The following CBR4 variants were observed in gnomAD, a reference collection of about 807,000 sequenced individuals.
CBR4 encodes carbonyl reductase 4.
Under a neutral mutation model 21.0 loss-of-function variants are expected in CBR4, and 22 were observed. The observed-to-expected ratio is 1.05, with a 90% CI of 0.75 to 1.50. CBR4 has a LOEUF of 1.50. CBR4 is among the 40% of genes most tolerant of loss of function. The pLI is 0.00. For synonymous variants in CBR4, 100 were observed against 104.4 expected (o/e 0.96, Z 0.26); for missense variants, 302 against 286.3 (o/e 1.05, Z -0.40).
At chr4:168,939,070 C>A (rs1318357692) in intron 2 of CBR4, among the ~76,000 whole-genome samples, 2 of 152,194 alleles carry the variant, frequency 1.3e-5, no homozygotes, top group Admixed American at 6.5e-5. Flanking sequence ...CAGACAGAAT[C>A]CAGCAGCACA....
At chr4:168,944,185 C>G (rs1015427974) in intron 2 of CBR4, among the ~76,000 whole-genome samples, 1 of 152,008 alleles carries the variant, frequency 6.6e-6, no homozygotes, top group African/African-American at 2.4e-5. Context: ...TGGTTCACAC[C>G]TGTAATCCTA....
intron 2 of CBR4, among the ~76,000 whole-genome samples, chr4:168,940,992 C>A (rs936576663): frequency 6.6e-6 from 1 of 152,188 alleles, no homozygotes; most frequent in Non-Finnish European, 1.5e-5. Flanking sequence ...ATGTATACTG[C>A]AGCACTGTTC....
chr4:168,930,288 CAT>C (rs1462192625), intron 2 of CBR4, among the ~76,000 whole-genome samples: 3 of 152,044 alleles, frequency 2.0e-5, no homozygotes, highest in Non-Finnish European at 4.4e-5. Context: ...GTCAAAAAGG[CAT>C]ATGGCACCAA....
Position 168,935,136 on chromosome 4 carries a change from C to A in CBR4, n.170-40371G>T, listed in dbSNP as rs180898146. Among the ~76,000 whole-genome samples, 763 of 152,286 alleles carry A rather than the reference C, an allele frequency of 5.0e-3. 3 individuals carry two copies. The highest frequency in any genetic ancestry group is 8.0e-3 in the Non-Finnish European group (541 of 68,016). On this transcript the variant is annotated intron_variant and non_coding_transcript_variant, in intron 2 of 3. Transcript: ENST00000509108. ...GCAGCCCATGGAGGGCGAGCAGAAG[C>A]AGGGTGGGGTGTCACCTCACATGGG...
chr4:168,904,757 C>T (rs1328270254), intron 2 of CBR4, among the ~76,000 whole-genome samples: 1 of 152,070 alleles, frequency 6.6e-6, no homozygotes, highest in Non-Finnish European at 1.5e-5. Flanking sequence ...TATATCATTC[C>T]ATATTATTTC....
intron 2 of CBR4, among the ~76,000 whole-genome samples, chr4:168,946,920 G>A (rs759518794): frequency 1.3e-5 from 2 of 152,070 alleles, no homozygotes; most frequent in African/African-American, 2.4e-5. Flanking sequence ...TCCCAACTAC[G>A]CACATGGAGC....
intron 3 of CBR4, among the ~76,000 whole-genome samples, chr4:169,004,762 T>C (rs1730762208): frequency 6.6e-6 from 1 of 152,252 alleles, no homozygotes; most frequent in East Asian, 1.9e-4. Context: ...AAAGCTTCAA[T>C]TATACACTTT....
At chr4:168,919,522 TAAA>T (rs1209353195) in intron 2 of CBR4, among the ~76,000 whole-genome samples, 6 of 124,540 alleles carry the variant, frequency 4.8e-5, no homozygotes, top group African/African-American at 1.8e-4. Flanking sequence ...AAGACTGTCT[TAAA>T]AAAAAAAAAA....
At chr4:169,002,455 T>A (rs1172229966) in intron 3 of CBR4, among the ~76,000 whole-genome samples, 1 of 152,202 alleles carries the variant, frequency 6.6e-6, no homozygotes, top group Non-Finnish European at 1.5e-5. Flanking sequence ...TGCAGGTGCT[T>A]GCGAATTGAT....
chr4:168,987,716 T>C lies in CBR4; in HGVS notation c.*2434A>G, dbSNP rs2126797735. On this transcript the variant is annotated 3_prime_UTR_variant, in exon 5 of 5. Coordinates refer to ENST00000306193, the MANE Select transcript of CBR4 (RefSeq NM_032783.5). The stretch of plus-strand genomic sequence containing the variant: ...AAAAAATGTTTCACCAATGTTAAGG[T>C]ACAACTCTTGAATATGCAGCGTAGT... 7.1e-6 allele frequency: 7 copies of C among 984,600 alleles called. No individual in the cohort carries two copies. Among genetic ancestry groups the C allele is most frequent in the Non-Finnish European group, 8.4e-6 (7 of 829,176 alleles). 61.0% of individuals were successfully genotyped at this position (984,600 alleles called of 1,614,324 possible). A position where few individuals can be genotyped will look rare whatever the true frequency, so the allele number is the denominator to read the frequency against.
intron 2 of CBR4, chr4:168,903,732 C>G: frequency 6.3e-7 from 1 of 1,597,818 alleles, no homozygotes; most frequent in Non-Finnish European, 8.6e-7. Context: ...AACTCCTAAT[C>G]TTTAATCTTT....
intron 2 of CBR4, among the ~76,000 whole-genome samples, chr4:168,977,359 T>C (rs1764404180): frequency 6.6e-6 from 1 of 152,220 alleles, no homozygotes. Context: ...AGCTTTCTCC[T>C]GATTTTCTAC....
chr4:169,000,768 T>C (rs530018869), intron 4 of CBR4, among the ~76,000 whole-genome samples: 2 of 152,328 alleles, frequency 1.3e-5, no homozygotes, highest in South Asian at 4.1e-4. Flanking sequence ...TTAGTGATCA[T>C]ATATTTTTGA....
At chr4:168,935,672 A>G (rs1380982281) in intron 2 of CBR4, among the ~76,000 whole-genome samples, 1 of 152,186 alleles carries the variant, frequency 6.6e-6, no homozygotes, top group Admixed American at 6.5e-5. Flanking sequence ...AGAGCCCACC[A>G]CAGCTTGGCA....
downstream of CBR4, among the ~76,000 whole-genome samples, chr4:168,987,332 A>G (rs886481725): frequency 1.2e-4 from 19 of 152,368 alleles, no homozygotes; most frequent in African/African-American, 4.6e-4. Context: ...GATCTCCCCA[A>G]CTATGGCACA....
intron 2 of CBR4, among the ~76,000 whole-genome samples, chr4:168,968,593 G>A (rs181717493): frequency 2.6e-5 from 4 of 152,244 alleles, no homozygotes; most frequent in East Asian, 1.9e-4. Context: ...TCAAGATACC[G>A]TTTCTGGTAT....
chr4:168,981,938 A>G (rs1764558811), intron 2 of CBR4, among the ~76,000 whole-genome samples: 1 of 152,238 alleles, frequency 6.6e-6, no homozygotes, highest in Non-Finnish European at 1.5e-5. Flanking sequence ...ATGAAAGACC[A>G]TTACTGATCA....
chr4:168,957,895 T>C (rs1763734614), intron 2 of CBR4, among the ~76,000 whole-genome samples: 1 of 152,144 alleles, frequency 6.6e-6, no homozygotes, highest in African/African-American at 2.4e-5. Flanking sequence ...GATGGTTTTA[T>C]AAGGGGTTTT....
chr4:168,945,015 T>A (rs1018646976), intron 2 of CBR4, among the ~76,000 whole-genome samples: 3 of 152,238 alleles, frequency 2.0e-5, no homozygotes, highest in Non-Finnish European at 4.4e-5. Context: ...TCACTAGAAA[T>A]AACTGTGTTA....
Sources: allele counts gnomAD v4.1 joint callset (sites outside exome capture counted in the v4.1 genomes callset), GRCh38; gene constraint gnomAD v4.1.1; transcripts MANE v1.5; gene names NCBI Gene and HGNC (gene_info 2026-07-23, HGNC 2026-07-21).